Variants in REEP3 observed in about 807,000 individuals in gnomAD.
REEP3 encodes receptor expression-enhancing protein 3.
A neutral mutation model predicts 41.3 loss-of-function variants in REEP3; 20 were observed. The observed-to-expected ratio is 0.48, with a 90% CI of 0.34 to 0.70. The LOEUF (loss-of-function observed/expected upper bound fraction) is 0.70, where lower values mean the gene tolerates loss of function less well. Ranked by LOEUF, REEP3 falls within the 30% of genes least tolerant of loss-of-function variation. The probability of loss-of-function intolerance (pLI) is 0.01; values close to 1 mark genes in which losing one functional copy is unlikely to be tolerated. For synonymous variants in REEP3, 104 were observed against 101.8 expected (o/e 1.02, Z -0.13); for missense variants, 271 against 308.8 (o/e 0.88, Z 0.92).
chr10:63,610,856 G>T lies in REEP3; in HGVS notation c.565+522G>T, dbSNP rs139740010. 1.6e-4 allele frequency among the ~76,000 whole-genome samples: 25 copies of T among 152,238 alleles called. No homozygotes were observed. In the East Asian group the frequency reaches 4.3e-3, roughly 26 times the overall value. ...GAGGCCGAGGTGGGCGGATCACGAGGTTAGGAGTTCACGACCAGCCTGGCT... is the reference window on the plus strand; with the variant it reads ...GAGGCCGAGGTGGGCGGATCACGAGTTTAGGAGTTCACGACCAGCCTGGCT... On this transcript the variant is annotated intron_variant, in intron 6 of 7. Transcript: ENST00000373758.
intron 1 of REEP3, chr10:63,562,639 T>C (rs539135147): frequency 2.5e-4 from 113 of 456,470 alleles, no homozygotes; most frequent in African/African-American, 2.1e-3. Flanking sequence ...TTCCTGTGAC[T>C]TGTTGACATA....
At chr10:63,528,063 G>T (rs1467710931) in intron 1 of REEP3, among the ~76,000 whole-genome samples, 1 of 151,750 alleles carries the variant, frequency 6.6e-6, no homozygotes, top group Non-Finnish European at 1.5e-5. Flanking sequence ...GGCATGTCAT[G>T]GGGATCAGTC....
rs377078095 is a variant in REEP3, at chr10:63,619,888, G to T, written c.711+88G>T. The T allele has an allele frequency of 2.1e-5, 14 of 666,796 alleles. No homozygotes were observed. In the East Asian group the frequency reaches 3.2e-4, roughly 15 times the overall value. 41.3% of individuals were successfully genotyped at this position (666,796 alleles called of 1,614,324 possible). On this transcript the variant is annotated intron_variant, in intron 7 of 7. Transcript: ENST00000373758. Reference sequence around the variant, plus strand: ...TTTAGGATATTAATGATCCATAAATGAAGGATTGGAATGGTAGAACAGCAG... The same window carrying T: ...TTTAGGATATTAATGATCCATAAATTAAGGATTGGAATGGTAGAACAGCAG...
At chr10:63,558,417 T>A (rs566722856) in intron 1 of REEP3, among the ~76,000 whole-genome samples, 5 of 152,332 alleles carry the variant, frequency 3.3e-5, no homozygotes, top group African/African-American at 9.6e-5. Context: ...TTACTTCACA[T>A]CTTATGTAAA....
chr10:63,574,982 A>G (rs1488584025), intron 2 of REEP3, among the ~76,000 whole-genome samples: 1 of 147,318 alleles, frequency 6.8e-6, no homozygotes, highest in Non-Finnish European at 1.5e-5. Context: ...TCAGTCTCCC[A>G]AGTAGCTGAG....
Position 63,622,376 on chromosome 10 carries a change from G to T in REEP3, c.*1507G>T, listed in dbSNP as rs1353401579. ...GATACTAGTCATAAAATATTTTATG[G>T]ATTATTTCACATTCTTCATATATAA... On this transcript the variant is annotated 3_prime_UTR_variant, in exon 8 of 8. Coordinates refer to ENST00000373758, the MANE Select transcript of REEP3 (RefSeq NM_001001330.3). 1 of 152,016 alleles carries T rather than the reference G, an allele frequency of 6.6e-6. No individual in the cohort carries two copies. 9.4% of individuals were successfully genotyped at this position (152,016 alleles called of 1,614,324 possible). A position where few individuals can be genotyped will look rare whatever the true frequency, so the allele number is the denominator to read the frequency against.
intron 2 of REEP3, among the ~76,000 whole-genome samples, chr10:63,568,240 T>G (rs1383233191): frequency 6.6e-6 from 1 of 152,004 alleles, no homozygotes; most frequent in African/African-American, 2.4e-5. Flanking sequence ...CTTTTGTTTT[T>G]CGAGTAAGTC....
chr10:63,546,444 T>C (rs1409966781), intron 1 of REEP3, among the ~76,000 whole-genome samples: 7 of 151,864 alleles, frequency 4.6e-5, no homozygotes, highest in Non-Finnish European at 1.0e-4. Context: ...AAGTAGGGAG[T>C]AAGTATACCT....
intron 2 of REEP3, among the ~76,000 whole-genome samples, chr10:63,592,039 G>T (rs1435990295): frequency 6.6e-6 from 1 of 152,190 alleles, no homozygotes; most frequent in Non-Finnish European, 1.5e-5. Flanking sequence ...TAAATTTTCT[G>T]TGAAGTGAGC....
chr10:63,610,384 G>A, intron 6 of REEP3, 50 bp downstream of exon 6: 1 of 1,535,112 alleles, frequency 6.5e-7, no homozygotes, highest in Non-Finnish European at 8.8e-7. Flanking sequence ...AAACAGGGAG[G>A]GGAACAACAT....
intron 1 of REEP3, 78 bp from the exon 2 acceptor site, chr10:63,566,260 G>T: frequency 1.3e-6 from 1 of 751,052 alleles, no homozygotes; most frequent in Non-Finnish European, 2.2e-6. Flanking sequence ...ACAGTTATTT[G>T]TTTATTAGGT....
intron 1 of REEP3, among the ~76,000 whole-genome samples, chr10:63,538,366 A>T (rs1467851695): frequency 6.6e-6 from 1 of 152,206 alleles, no homozygotes; most frequent in Non-Finnish European, 1.5e-5. Flanking sequence ...GTGGGAGATA[A>T]CATCTAATAT....
At chr10:63,609,528 AG>A (rs1236130869) in intron 5 of REEP3, among the ~76,000 whole-genome samples, 5 of 152,090 alleles carry the variant, frequency 3.3e-5, no homozygotes, top group South Asian at 2.1e-4. Flanking sequence ...GGGAAGGCCA[AG>A]GCAGGCAGAT....
intron 1 of REEP3, among the ~76,000 whole-genome samples, chr10:63,561,700 G>A (rs1228832913): frequency 6.6e-6 from 1 of 152,224 alleles, no homozygotes; most frequent in Non-Finnish European, 1.5e-5. Context: ...GAGATGGCAT[G>A]AGCCCAGATG....
At chr10:63,557,990 G>A (rs1417453653) in intron 1 of REEP3, among the ~76,000 whole-genome samples, 2 of 152,120 alleles carry the variant, frequency 1.3e-5, no homozygotes, top group African/African-American at 4.8e-5. Flanking sequence ...CTGAATTTCA[G>A]AGTAAATCTC....
At chr10:63,523,349 T>C (rs1041077245) in intron 1 of REEP3, among the ~76,000 whole-genome samples, 1 of 152,094 alleles carries the variant, frequency 6.6e-6, no homozygotes, top group African/African-American at 2.4e-5. Context: ...CCTTAAAGAA[T>C]AGGCCCAGTA....
chr10:63,534,169 G>A, intron 1 of REEP3, among the ~76,000 whole-genome samples: 1 of 152,050 alleles, frequency 6.6e-6, no homozygotes, highest in Non-Finnish European at 1.5e-5. Flanking sequence ...AAACTTTTTT[G>A]TCCACAAAGA....
chr10:63,539,925 A>G (rs1281306928), intron 1 of REEP3, among the ~76,000 whole-genome samples: 1 of 152,220 alleles, frequency 6.6e-6, no homozygotes, highest in African/African-American at 2.4e-5. Context: ...TTTTTGAGAA[A>G]TAGTAGTGTA....
chr10:63,620,107 A>AT (rs1224438746), intron 7 of REEP3, among the ~76,000 whole-genome samples: 1 of 151,068 alleles, frequency 6.6e-6, no homozygotes, highest in Non-Finnish European at 1.5e-5. Flanking sequence ...TAATTTTTTC[A>AT]TTTTTTGTAG....
Sources: allele counts gnomAD v4.1 joint callset (sites outside exome capture counted in the v4.1 genomes callset), GRCh38; gene constraint gnomAD v4.1.1; transcripts MANE v1.5; gene names NCBI Gene and HGNC (gene_info 2026-07-23, HGNC 2026-07-21).